MANBA: variants seen among roughly 807,000 people sequenced by gnomAD.
The protein encoded by MANBA is mannosidase beta, also known as beta-mannosidase.
Under a neutral mutation model 111.1 loss-of-function variants are expected in MANBA, and 83 were observed. The observed-to-expected ratio is 0.75, with a 90% CI of 0.63 to 0.90. The LOEUF (loss-of-function observed/expected upper bound fraction) is 0.90. Among genes scored for constraint, MANBA ranks in the 40% least tolerant of loss-of-function variants. The pLI is 0.00. For missense variants in MANBA, 1,036 were observed against 1,069.0 expected, an observed-to-expected ratio of 0.97 and a Z score of 0.43; for synonymous variants, 370 against 378.7, an observed-to-expected ratio of 0.98 and a Z score of 0.27.
chr4:102,748,052 C>T (rs370743863), intron 1 of MANBA, among the ~76,000 whole-genome samples: 3 of 152,316 alleles, frequency 2.0e-5, no homozygotes, highest in African/African-American at 7.2e-5. Flanking sequence ...GGGAGTGAGG[C>T]TGGGCAGCTA....
At chr4:102,751,427 C>T (rs571019114) in intron 1 of MANBA, 5 of 486,492 alleles carry the variant, frequency 1.0e-5, no homozygotes, top group Non-Finnish European at 2.1e-5. Flanking sequence ...CACATTTCTA[C>T]ACCGATAACA....
intron 11 of MANBA, among the ~76,000 whole-genome samples, chr4:102,663,935 A>G (rs1731084898): frequency 6.6e-6 from 1 of 152,236 alleles, no homozygotes; most frequent in Non-Finnish European, 1.5e-5. Flanking sequence ...AGCAAGGGCC[A>G]TACAGCGGGG....
Position 102,639,778 on chromosome 4 carries a change from T to C in MANBA, c.1949A>G (p.His650Arg), listed in dbSNP as rs761895882. 17 of 1,614,030 alleles carry C rather than the reference T, an allele frequency of 1.1e-5. No homozygotes were observed. The highest frequency in any genetic ancestry group is 1.4e-5 in the Non-Finnish European group (17 of 1,180,000). The change falls in exon 14 of 17, where the codon CAC becomes CGC. Residue 650 changes from histidine to arginine, a missense_variant. Coordinates refer to ENST00000647097, the MANE Select transcript of MANBA (RefSeq NM_005908.4). ...CTGCCAATAAAGTGCCCCCATCGTG[T>C]GCCCTTGCTGATCCACTATCTCGCT... ...SRSEIVDQQG[H>R]TMGALYWQLN...
At chr4:102,673,653 T>C (rs1731595206) in intron 8 of MANBA, among the ~76,000 whole-genome samples, 1 of 152,218 alleles carries the variant, frequency 6.6e-6, no homozygotes, top group African/African-American at 2.4e-5. Context: ...TTTTCTTATT[T>C]CTCCAGAATA....
At chr4:102,721,944 C>T (rs373821951) in intron 4 of MANBA, among the ~76,000 whole-genome samples, 29 of 148,806 alleles carry the variant, frequency 1.9e-4, no homozygotes, top group African/African-American at 7.2e-4. Context: ...GTGGGAGCAT[C>T]GCTTGAGCCC....
intron 4 of MANBA, among the ~76,000 whole-genome samples, chr4:102,721,662 G>A (rs923981169): frequency 2.6e-5 from 4 of 152,168 alleles, no homozygotes; most frequent in African/African-American, 9.7e-5. Context: ...AGTGAAATAA[G>A]TCAGTCACAA....
chr4:102,689,360 AT>A lies in MANBA; in HGVS notation c.960+213del, dbSNP rs200722092. On this transcript the variant is annotated intron_variant, in intron 7 of 16. Transcript: ENST00000647097. ...CAAGACTCTGTCTCAAAAAAAAAAA[AT>A]ATATATATATATATATATGTGTGTG... is the stretch of plus-strand genomic sequence containing the variant. Among the ~76,000 whole-genome samples, 10,492 of 83,738 alleles carry A rather than the reference AT, an allele frequency of 0.13. 446 individuals carry two copies. Among genetic ancestry groups the A allele is most frequent in the East Asian group, 0.32 (994 of 3,104 alleles). The allele number at this position is 83,738 out of a possible 152,430, so 54.9% of individuals were successfully genotyped here.
chr4:102,644,404 T>C (rs903145305), intron 13 of MANBA, among the ~76,000 whole-genome samples: 5 of 151,996 alleles, frequency 3.3e-5, no homozygotes, highest in Non-Finnish European at 5.9e-5. Flanking sequence ...ATAAAGAAAA[T>C]GTGATACATA....
chr4:102,671,675 CTT>C (rs1731505736), intron 8 of MANBA, among the ~76,000 whole-genome samples: 2 of 152,074 alleles, frequency 1.3e-5, no homozygotes. Context: ...TATATTTAGT[CTT>C]ATAAAAAATA....
intron 2 of MANBA, among the ~76,000 whole-genome samples, chr4:102,726,376 T>C (rs1335304211): frequency 6.6e-6 from 1 of 152,050 alleles, no homozygotes; most frequent in Non-Finnish European, 1.5e-5. Flanking sequence ...AGTAGCACCA[T>C]CCTCATATAC....
intron 1 of MANBA, among the ~76,000 whole-genome samples, chr4:102,735,790 G>A (rs1293423077): frequency 2.0e-5 from 3 of 152,122 alleles, no homozygotes; most frequent in African/African-American, 7.2e-5. Context: ...AGCCTCTAAA[G>A]TAGGCACTCA....
chr4:102,678,764 C>G (rs1296812027), intron 7 of MANBA, among the ~76,000 whole-genome samples: 1 of 152,164 alleles, frequency 6.6e-6, no homozygotes, highest in East Asian at 1.9e-4. Context: ...TTCTTTCAAA[C>G]AAGAATTAAG....
intron 4 of MANBA, among the ~76,000 whole-genome samples, chr4:102,717,371 A>T (rs905786120): frequency 8.6e-5 from 13 of 151,940 alleles, no homozygotes; most frequent in African/African-American, 3.1e-4. Flanking sequence ...CTGAAAAAAA[A>T]AAAAAAGACC....
intron 1 of MANBA, chr4:102,727,131 G>A (rs571107576): frequency 6.7e-6 from 2 of 297,894 alleles, no homozygotes; most frequent in East Asian, 8.9e-5. Context: ...CAAAGTGGGA[G>A]ATCACTGTCA....
chr4:102,739,008 A>C (rs1454922395), intron 1 of MANBA, among the ~76,000 whole-genome samples: 2 of 152,206 alleles, frequency 1.3e-5, no homozygotes, highest in Non-Finnish European at 2.9e-5. Context: ...AAAAAGATAA[A>C]TGAAACAAAA....
chr4:102,690,693 A>T lies in MANBA; in HGVS notation c.752T>A (p.Val251Glu). 1 of 1,609,684 alleles carries T rather than the reference A, an allele frequency of 6.2e-7. No homozygotes were observed. The highest frequency in any genetic ancestry group is 8.5e-7 in the Non-Finnish European group (1 of 1,176,928). Residue 251 changes from valine to glutamate, a missense_variant, in exon 6 of 17, where the codon GTG becomes GAG. Val to Glu is a moderately radical substitution (Grantham distance 121, BLOSUM62 -2). Coordinates refer to ENST00000647097, the MANE Select transcript of MANBA (RefSeq NM_005908.4). ...VVSSKPVGGQ[V>E]IVAIPKLQTQ... is the part of the protein sequence containing the mutation. ...TTGCAACTTAGGGATGGCTACGATC[A>T]CTTGACCACCAACTGGCTTTGAGCT...
intron 12 of MANBA, chr4:102,650,917 A>T (rs949748076): frequency 1.9e-6 from 1 of 538,500 alleles, no homozygotes; most frequent in South Asian, 2.3e-5. Flanking sequence ...GGTTTGGTAC[A>T]TATATCCTCC....
intron 5 of MANBA, among the ~76,000 whole-genome samples, chr4:102,699,260 G>T (rs1732893800): frequency 1.3e-5 from 2 of 150,738 alleles, no homozygotes; most frequent in South Asian, 2.1e-4. Flanking sequence ...ATTTTGGGCT[G>T]AGACAATGGG....
In MANBA at chr4:102,634,816, GC is replaced by G. The variant is rs1729543441; in HGVS notation, c.2386del (p.Ala796ProfsTer37). 4 of 1,613,946 alleles carry G rather than the reference GC, an allele frequency of 2.5e-6. No individual in the cohort carries two copies. Among genetic ancestry groups the G allele is most frequent in the Non-Finnish European group, 3.4e-6 (4 of 1,180,034 alleles). ...GATCTGCGCCTTGCAGAGCCCCACG[GC>G]CTCCTTCGGTGAGGACAAGAAGTGG... ...NYHFLSSPKE[A>X]VGLCKAQITA... is the part of the protein sequence containing the mutation. On this transcript the variant is annotated frameshift_variant, in exon 16 of 17. Coordinates refer to ENST00000647097, the MANE Select transcript of MANBA (RefSeq NM_005908.4). LOFTEE classifies it high-confidence loss of function.
Sources: allele counts gnomAD v4.1 joint callset (sites outside exome capture counted in the v4.1 genomes callset), GRCh38; gene constraint gnomAD v4.1.1; transcripts MANE v1.5; gene names NCBI Gene and HGNC (gene_info 2026-07-23, HGNC 2026-07-21).